HAO1: variants seen among roughly 807,000 people sequenced by gnomAD.
HAO1 encodes hydroxyacid oxidase 1, also known as 2-Hydroxyacid oxidase 1.
HAO1 carries 34 observed loss-of-function variants against 39.7 expected under a neutral mutation model. The ratio of observed to expected loss-of-function variants is 0.86; its 90% CI spans 0.65 to 1.14. The LOEUF (loss-of-function observed/expected upper bound fraction) is 1.14, where lower values mean the gene tolerates loss of function less well. Among genes scored for constraint, HAO1 ranks in the 50% most tolerant of loss-of-function variants. The probability of loss-of-function intolerance (pLI) is 0.00; values close to 1 mark genes in which losing one functional copy is unlikely to be tolerated. For missense variants in HAO1, 479 were observed against 464.5 expected, an observed-to-expected ratio of 1.03 and a Z score of -0.29; for synonymous variants, 172 against 173.2, an observed-to-expected ratio of 0.99 and a Z score of 0.05.
chr20:7,891,597 T>G (rs1382772463), intron 5 of HAO1, among the ~76,000 whole-genome samples: 4 of 152,344 alleles, frequency 2.6e-5, no homozygotes, highest in Non-Finnish European at 4.4e-5. Context: ...TTTGGATTCT[T>G]GGTCATGAAA....
chr20:7,885,519 A>C lies in HAO1; in HGVS notation c.1042+2T>G. The C allele has an allele frequency of 6.3e-7, 1 of 1,589,386 alleles. No homozygotes were observed. The highest frequency in any genetic ancestry group is 2.2e-5 in the East Asian group (1 of 44,644). On this transcript the variant is annotated splice_donor_variant, in intron 7 of 7. Transcript: ENST00000378789. LOFTEE classifies it high-confidence loss of function. ...AAAGTTGTAAACAAGAATGAGTCTT[A>C]CCACTCAGAGCCATGGCCAACCGGA...
Position 7,915,673 on chromosome 20 carries a change from A to T in HAO1, c.290-1254T>A, listed in dbSNP as rs114507949. Among the ~76,000 whole-genome samples the T allele has an allele frequency of 1.0e-2, 1,521 of 152,276 alleles. 25 individuals carry two copies. Among genetic ancestry groups the T allele is most frequent in the African/African-American group, 0.033 (1,363 of 41,554 alleles). ...AAGATGAGAAATCTCCAAGGGGGAG[A>T]TCCTATTAATTCTGTTTCTCTGGAG... is the stretch of plus-strand genomic sequence containing the variant. On this transcript the variant is annotated intron_variant, in intron 2 of 7. Coordinates refer to ENST00000378789, the MANE Select transcript of HAO1 (RefSeq NM_017545.3).
intron 1 of HAO1, among the ~76,000 whole-genome samples, chr20:7,936,541 TG>T (rs1568522163): frequency 2.0e-5 from 3 of 147,976 alleles, no homozygotes; most frequent in African/African-American, 7.7e-5. Flanking sequence ...TGTGTGTGTG[TG>T]TGTGTTCGCG....
chr20:7,931,436 G>A (rs8113842), intron 2 of HAO1, among the ~76,000 whole-genome samples: 12,327 of 152,174 alleles, frequency 0.081, 631 homozygotes, highest in African/African-American at 0.14. Context: ...GAATACCTCT[G>A]TCTGAATCCC....
chr20:7,938,715 C>T (rs2050425577), intron 1 of HAO1, among the ~76,000 whole-genome samples: 1 of 152,090 alleles, frequency 6.6e-6, no homozygotes, highest in Non-Finnish European at 1.5e-5. Context: ...ATCAATTCAA[C>T]CCAACAGCAT....
At chr20:7,895,620 C>A (rs2050193907) in intron 4 of HAO1, among the ~76,000 whole-genome samples, 1 of 150,008 alleles carries the variant, frequency 6.7e-6, no homozygotes. Flanking sequence ...ATAAAAATGT[C>A]AAGCACTGTA....
At chr20:7,938,713 A>C (rs535866878) in intron 1 of HAO1, among the ~76,000 whole-genome samples, 2 of 152,228 alleles carry the variant, frequency 1.3e-5, no homozygotes, top group South Asian at 4.2e-4. Context: ...GCATCAATTC[A>C]ACCCAACAGC....
intron 2 of HAO1, among the ~76,000 whole-genome samples, chr20:7,919,977 T>C (rs2050323446): frequency 6.6e-6 from 1 of 152,144 alleles, no homozygotes; most frequent in Admixed American, 6.6e-5. Context: ...TGCAGACAAA[T>C]TTAGACAAGC....
rs2122808201 is a variant in HAO1 at position 7,940,317 on chromosome 20, T to C, written c.106A>G (p.Thr36Ala). 1 of 1,607,056 alleles carries C rather than the reference T, an allele frequency of 6.2e-7. No individual in the cohort carries two copies. The highest frequency in any genetic ancestry group is 8.5e-7 in the Non-Finnish European group (1 of 1,177,964). ...YYRSGANDEE[T>A]LADNIAAFSR... ...AATGCTGCAATATTATCAGCCAAAG[T>C]TTCTTCATCATTTGCCCCAGACCTG... Residue 36 changes from threonine to alanine, a missense_variant, in exon 1 of 8, where the codon ACT becomes GCT. Coordinates refer to ENST00000378789, the MANE Select transcript of HAO1 (RefSeq NM_017545.3).
intron 5 of HAO1, among the ~76,000 whole-genome samples, chr20:7,891,538 T>C (rs1024057043): frequency 6.6e-6 from 1 of 152,212 alleles, no homozygotes; most frequent in African/African-American, 2.4e-5. Flanking sequence ...AAAAGCTCTT[T>C]AGTTTAATTA....
chr20:7,902,596 G>A (rs2050225966), intron 4 of HAO1, among the ~76,000 whole-genome samples: 1 of 152,132 alleles, frequency 6.6e-6, no homozygotes, highest in Non-Finnish European at 1.5e-5. Flanking sequence ...TGGTGGTCCA[G>A]AACTGAATCC....
chr20:7,914,466 C>T (rs374373130), intron 2 of HAO1, 47 bp from the exon 3 acceptor site: 2 of 1,595,314 alleles, frequency 1.3e-6, no homozygotes, highest in African/African-American at 1.3e-5. Flanking sequence ...ATTGCTTACC[C>T]TCCCAAACCT....
intron 5 of HAO1, among the ~76,000 whole-genome samples, chr20:7,892,507 T>C (rs538363118): frequency 2.0e-5 from 3 of 152,280 alleles, no homozygotes; most frequent in Admixed American, 6.5e-5. Flanking sequence ...AGCCACACAA[T>C]TGGTCTATGA....
chr20:7,895,689 A>T (rs2050194187), intron 4 of HAO1, among the ~76,000 whole-genome samples: 1 of 152,098 alleles, frequency 6.6e-6, no homozygotes, highest in African/African-American at 2.4e-5. Flanking sequence ...ACAAGTTGTA[A>T]TAGCTTTAGT....
intron 4 of HAO1, among the ~76,000 whole-genome samples, chr20:7,904,630 C>T (rs1555773724): frequency 6.6e-6 from 1 of 152,168 alleles, no homozygotes; most frequent in Non-Finnish European, 1.5e-5. Context: ...GATTTCTATG[C>T]AACATTTTAT....
At chr20:7,932,848 A>G (rs1364254034) in intron 2 of HAO1, among the ~76,000 whole-genome samples, 2 of 152,160 alleles carry the variant, frequency 1.3e-5, no homozygotes, top group Non-Finnish European at 2.9e-5. Context: ...ATTTCCTTGG[A>G]ATTCCTAGAA....
intron 4 of HAO1, among the ~76,000 whole-genome samples, chr20:7,902,709 T>C (rs927359383): frequency 2.0e-5 from 3 of 152,008 alleles, no homozygotes; most frequent in African/African-American, 7.3e-5. Flanking sequence ...TTTAAATAAA[T>C]TAAAAGAAAA....
chr20:7,922,121 G>GA (rs1049684808), intron 2 of HAO1, among the ~76,000 whole-genome samples: 9 of 151,408 alleles, frequency 5.9e-5, no homozygotes, highest in East Asian at 5.8e-4. Flanking sequence ...GTTGAAAAAA[G>GA]AAAAAAAATT....
intron 2 of HAO1, among the ~76,000 whole-genome samples, chr20:7,927,430 A>G (rs1357345332): frequency 2.0e-5 from 3 of 152,218 alleles, no homozygotes; most frequent in South Asian, 2.1e-4. Flanking sequence ...ATGTGCCATT[A>G]TAAGTAGAGG....
Sources: allele counts gnomAD v4.1 joint callset (sites outside exome capture counted in the v4.1 genomes callset), GRCh38; gene constraint gnomAD v4.1.1; transcripts MANE v1.5; gene names NCBI Gene and HGNC (gene_info 2026-07-23, HGNC 2026-07-21).